CACNB2: variants seen among roughly 807,000 people sequenced by gnomAD.
CACNB2 encodes the protein voltage-dependent L-type calcium channel subunit beta-2.
CACNB2 carries 42 observed loss-of-function variants against 73.3 expected under a neutral mutation model. That is an observed-to-expected ratio of 0.57 (90% CI 0.45 to 0.74). CACNB2 has a LOEUF of 0.74. Among genes scored for constraint, CACNB2 ranks in the 30% least tolerant of loss-of-function variants. The pLI, the probability that CACNB2 is intolerant of heterozygous loss-of-function variation, is 0.00. For synonymous variants in CACNB2, 348 were observed against 310.3 expected (o/e 1.12, Z -1.28); for missense variants, 940 against 853.0 (o/e 1.10, Z -1.27).
chr10:18,527,468 T>C (rs183407945), intron 9 of CACNB2, 120 bp from the exon 10 acceptor site: 7 of 726,770 alleles, frequency 9.6e-6, no homozygotes, highest in African/African-American at 5.2e-5. Context: ...CTAACACATA[T>C]GGTTTGAAAA....
intron 10 of CACNB2, among the ~76,000 whole-genome samples, chr10:18,528,045 A>G (rs2052650276): frequency 1.3e-5 from 2 of 152,116 alleles, no homozygotes; most frequent in South Asian, 4.1e-4. Context: ...CTCATCCTAA[A>G]AAAGAAATAA....
intron 2 of CACNB2, among the ~76,000 whole-genome samples, chr10:18,315,986 T>C (rs2040168680): frequency 6.6e-6 from 1 of 152,158 alleles, no homozygotes. Flanking sequence ...AGTATTGTCT[T>C]TGTTTTTAGC....
At position 18,346,802 on chromosome 10, in the gene CACNB2, AC is replaced by A. The variant is rs2041477474; in HGVS notation, c.214-55119del. ...CGTAGAGACAAGGTTTCACTTTGTT[AC>A]CCAGGCTGGTCTGAAACTCCTGAGC... On this transcript the variant is annotated intron_variant, in intron 2 of 13. Transcript: ENST00000324631. Among the ~76,000 whole-genome samples the A allele has an allele frequency of 2.0e-5, 3 of 151,696 alleles. No individual in the cohort carries two copies. The East Asian group carries it at 6.0e-4, about 30-fold the overall frequency.
intron 10 of CACNB2, among the ~76,000 whole-genome samples, chr10:18,529,620 C>T (rs186165892): frequency 2.6e-5 from 4 of 152,254 alleles, no homozygotes; most frequent in East Asian, 1.9e-4. Flanking sequence ...AAAGCCACAA[C>T]AGGCTTCTGA....
chr10:18,232,741 C>A lies in CACNB2; in HGVS notation c.213+81766C>A, dbSNP rs111615962. Among the ~76,000 whole-genome samples, 1,486 of 152,168 alleles carry A rather than the reference C, an allele frequency of 9.8e-3. 20 individuals carry two copies. Among genetic ancestry groups the A allele is most frequent in the African/African-American group, 0.034 (1,423 of 41,512 alleles). The stretch of plus-strand genomic sequence containing the variant: ...TTTTTGGAAACAGTTTTTTAAAATT[C>A]TTTTTTGTGTATTCGTTACAAGCAT... On this transcript the variant is annotated intron_variant, in intron 2 of 13. Transcript: ENST00000324631.
chr10:18,247,938 C>T (rs763413904), intron 2 of CACNB2, among the ~76,000 whole-genome samples: 1 of 152,160 alleles, frequency 6.6e-6, no homozygotes, highest in Non-Finnish European at 1.5e-5. Flanking sequence ...TACCTTCTTA[C>T]TGTGTTCTAA....
intron 3 of CACNB2, among the ~76,000 whole-genome samples, chr10:18,408,244 T>TC (rs2044404909): frequency 7.0e-6 from 1 of 143,350 alleles, no homozygotes; most frequent in Non-Finnish European, 1.5e-5. Flanking sequence ...TTTTTTTTTT[T>TC]TTTTTTTTTT....
intron 3 of CACNB2, among the ~76,000 whole-genome samples, chr10:18,471,521 A>T (rs1375055640): frequency 1.3e-5 from 2 of 152,132 alleles, no homozygotes; most frequent in Non-Finnish European, 2.9e-5. Context: ...TCCTGCAGCC[A>T]CTGGTTTTTG....
At chr10:18,334,716 G>C (rs2040935206) in intron 2 of CACNB2, among the ~76,000 whole-genome samples, 2 of 152,006 alleles carry the variant, frequency 1.3e-5, no homozygotes, top group South Asian at 4.2e-4. Context: ...AAGCAACAAT[G>C]GCTCCAGAAA....
rs201553205 is a variant in CACNB2, at chr10:18,539,486, A to G, written c.1745A>G (p.Tyr582Cys). 1.2e-6 allele frequency: 2 copies of G among 1,613,978 alleles called. No homozygotes were observed. The highest frequency in any genetic ancestry group is 1.3e-5 in the African/African-American group (1 of 75,000). The change falls in exon 14 of 14, where the codon TAT becomes TGT. Residue 582 changes from tyrosine (Y) to cysteine (C), a missense_variant. Tyr to Cys is a radical substitution (Grantham distance 194). Transcript: ENST00000324631. ...TATTCCCATGACCACGTGGACCACTATGCCTCACACCGTGACCACAACCAC... is the reference window on the plus strand; with the variant it reads ...TATTCCCATGACCACGTGGACCACTGTGCCTCACACCGTGACCACAACCAC... Reference protein sequence around the residue: ...EDYSHDHVDHYASHRDHNHRD... With the variant: ...EDYSHDHVDHCASHRDHNHRD...
intron 3 of CACNB2, among the ~76,000 whole-genome samples, chr10:18,489,800 C>T (rs1398711159): frequency 6.6e-6 from 1 of 152,202 alleles, no homozygotes; most frequent in African/African-American, 2.4e-5. Context: ...TCTCTTATCA[C>T]TTACACATTC....
At position 18,201,275 on chromosome 10, in the gene CACNB2, C is replaced by CTT. The variant is rs11381087; in HGVS notation, c.213+50316_213+50317dup. On this transcript the variant is annotated intron_variant, in intron 2 of 13. Coordinates refer to ENST00000324631, the MANE Select transcript of CACNB2 (RefSeq NM_201596.3). ...CCTGCCTTATAATAGGGTCCAGTAT[C>CTT]TTTTTTTTTTTTTTTTTGAGACATA... Among the ~76,000 whole-genome samples the CTT allele has an allele frequency of 7.2e-3, 1,001 of 138,648 alleles. 8 individuals carry two copies. Among genetic ancestry groups the CTT allele is most frequent in the South Asian group, 0.028 (121 of 4,310 alleles). The allele number at this position is 138,648 out of a possible 152,430, so 91.0% of individuals were successfully genotyped here. A position where few individuals can be genotyped will look rare whatever the true frequency, so the allele number is the denominator to read the frequency against.
chr10:18,477,912 G>T (rs975830743), intron 3 of CACNB2, among the ~76,000 whole-genome samples: 25 of 152,102 alleles, frequency 1.6e-4, no homozygotes, highest in African/African-American at 6.0e-4. Context: ...TCTTTTGGCA[G>T]AGTGAATTGG....
intron 2 of CACNB2, among the ~76,000 whole-genome samples, chr10:18,401,687 G>GT (rs2044005652): frequency 6.6e-6 from 1 of 152,170 alleles, no homozygotes; most frequent in African/African-American, 2.4e-5. Context: ...AGGAAGGATA[G>GT]TTTTTTGGAA....
intron 2 of CACNB2, among the ~76,000 whole-genome samples, chr10:18,320,379 C>T (rs1203464691): frequency 2.6e-5 from 4 of 151,974 alleles, no homozygotes; most frequent in Non-Finnish European, 4.4e-5. Flanking sequence ...TAGTTAAGTA[C>T]GAAACAAATT....
chr10:18,426,352 A>G (rs1309257902), intron 3 of CACNB2, among the ~76,000 whole-genome samples: 2 of 152,220 alleles, frequency 1.3e-5, no homozygotes, highest in African/African-American at 2.4e-5. Flanking sequence ...TTTTTTAGTT[A>G]CTACAGTCTC....
intron 2 of CACNB2, among the ~76,000 whole-genome samples, chr10:18,287,831 C>G (rs150257853): frequency 1.5e-3 from 221 of 152,250 alleles, no homozygotes; most frequent in Non-Finnish European, 2.6e-3. Context: ...GCCTGGGTGA[C>G]AAAGTGAGAC....
At chr10:18,502,626 G>A (rs564857285) in intron 5 of CACNB2, among the ~76,000 whole-genome samples, 3 of 142,690 alleles carry the variant, frequency 2.1e-5, no homozygotes, top group Non-Finnish European at 4.5e-5. Flanking sequence ...GGGAGGCAGA[G>A]GTTGAAGTGA....
chr10:18,293,577 C>T (rs549262433), intron 2 of CACNB2, among the ~76,000 whole-genome samples: 3 of 152,356 alleles, frequency 2.0e-5, no homozygotes, highest in Admixed American at 1.3e-4. Context: ...GGGTTTACTT[C>T]ATACTCAATT....
Sources: allele counts gnomAD v4.1 joint callset (sites outside exome capture counted in the v4.1 genomes callset), GRCh38; gene constraint gnomAD v4.1.1; transcripts MANE v1.5; gene names NCBI Gene and HGNC (gene_info 2026-07-23, HGNC 2026-07-21).